The following CREB3L2 variants were observed in gnomAD, a reference collection of about 807,000 sequenced individuals.
The protein encoded by CREB3L2 is cAMP responsive element binding protein 3 like 2.
Under a neutral mutation model 57.2 loss-of-function variants are expected in CREB3L2, and 23 were observed. The observed-to-expected ratio is 0.40, with a 90% CI of 0.29 to 0.57. The LOEUF is 0.57. Ranked by LOEUF, CREB3L2 falls within the 20% of genes least tolerant of loss-of-function variation. CREB3L2 has a pLI of 0.42. For missense variants in CREB3L2, 628 were observed against 634.7 expected, an observed-to-expected ratio of 0.99 and a Z score of 0.11; for synonymous variants, 268 against 265.1, an observed-to-expected ratio of 1.01 and a Z score of -0.11.
At chr7:137,982,094 C>T (rs1478359009) in intron 1 of CREB3L2, among the ~76,000 whole-genome samples, 1 of 152,182 alleles carries the variant, frequency 6.6e-6, no homozygotes, top group East Asian at 1.9e-4. Context: ...TCCTTCTCAG[C>T]TTCTACTTTA....
intron 1 of CREB3L2, among the ~76,000 whole-genome samples, chr7:137,977,647 G>T (rs754318283): frequency 1.7e-4 from 26 of 152,198 alleles, no homozygotes; most frequent in Non-Finnish European, 3.1e-4. Flanking sequence ...AGGGCTGGGC[G>T]TGGTGGCTCA....
At chr7:137,910,795 T>C (rs1369575622) in intron 4 of CREB3L2, among the ~76,000 whole-genome samples, 1 of 152,176 alleles carries the variant, frequency 6.6e-6, no homozygotes, top group Non-Finnish European at 1.5e-5. Context: ...TTCCTATCTA[T>C]TAAGAGCTAC....
chr7:137,997,063 T>C (rs10954594), intron 1 of CREB3L2, among the ~76,000 whole-genome samples: 137,108 of 152,188 alleles, frequency 0.9, 62,240 homozygotes, highest in South Asian at 0.98. Flanking sequence ...CCTCTTTCCA[T>C]GGGGCCTTCC....
At chr7:137,984,127 A>C (rs1332980891) in intron 1 of CREB3L2, among the ~76,000 whole-genome samples, 1 of 152,228 alleles carries the variant, frequency 6.6e-6, no homozygotes, top group African/African-American at 2.4e-5. Flanking sequence ...CAGCCATCTC[A>C]CAGGTCCCGA....
At chr7:137,965,083 T>G (rs993344967) in intron 1 of CREB3L2, among the ~76,000 whole-genome samples, 5 of 152,202 alleles carry the variant, frequency 3.3e-5, no homozygotes, top group Non-Finnish European at 7.4e-5. Flanking sequence ...GACCAAACTC[T>G]AGTTCTACTA....
At chr7:137,983,837 T>G (rs1801750572) in intron 1 of CREB3L2, among the ~76,000 whole-genome samples, 1 of 152,230 alleles carries the variant, frequency 6.6e-6, no homozygotes, top group African/African-American at 2.4e-5. Context: ...TTCCAGGTTC[T>G]GCACTCAGGG....
Position 137,880,458 on chromosome 7 carries a change from G to C in CREB3L2, c.*18C>G, listed in dbSNP as rs141738028. On this transcript the variant is annotated 3_prime_UTR_variant, in exon 12 of 12. Coordinates refer to ENST00000330387, the MANE Select transcript of CREB3L2 (RefSeq NM_194071.4). The surrounding 1 kb of genome is among the most constrained non-coding windows in gnomAD (Gnocchi z 4.0). ...AAAAGTAGAGTTAAGGGAAAGGGAG[G>C]GGGTGCAGGCAGCCTCTTTAGAAAG... 2.6e-4 allele frequency: 419 copies of C among 1,603,302 alleles called. 3 individuals are homozygous for C. In the East Asian group the frequency reaches 6.2e-3, roughly 24 times the overall value.
In CREB3L2 at chr7:137,878,682, T is replaced by C. The variant is rs540619591; in HGVS notation, c.*1794A>G. ...CCAGCTTCCACTCACAGTGAGAAGA[T>C]GAACTTGGCCGCTTTCCAGGCTGGA... On this transcript the variant is annotated 3_prime_UTR_variant, in exon 12 of 12. Transcript: ENST00000330387. 2 of 234,324 alleles carry C rather than the reference T, an allele frequency of 8.5e-6. No homozygotes were observed. Among genetic ancestry groups the C allele is most frequent in the South Asian group, 1.8e-4 (1 of 5,610 alleles). 14.5% of individuals were successfully genotyped at this position (234,324 alleles called of 1,614,324 possible).
Position 137,877,758 on chromosome 7 carries a change from T to G in CREB3L2, c.*2718A>C, listed in dbSNP as rs6959012. ...CACTATTTGAAATCTTTAGAGCTAATCATAAGTTAATGACTAGTCTAAGAG... is the reference window on the plus strand; with the variant it reads ...CACTATTTGAAATCTTTAGAGCTAAGCATAAGTTAATGACTAGTCTAAGAG... On this transcript the variant is annotated 3_prime_UTR_variant, in exon 12 of 12. Coordinates refer to ENST00000330387, the MANE Select transcript of CREB3L2 (RefSeq NM_194071.4). The G allele has an allele frequency of 4.4e-6, 1 of 228,252 alleles. No individual in the cohort carries two copies. The highest frequency in any genetic ancestry group is 2.2e-5 in the African/African-American group (1 of 44,976). The allele number at this position is 228,252 out of a possible 1,614,324, so 14.1% of individuals were successfully genotyped here.
intron 3 of CREB3L2, among the ~76,000 whole-genome samples, chr7:137,914,765 C>CT (rs1800090730): frequency 6.6e-6 from 1 of 152,038 alleles, no homozygotes. Context: ...GCAGAGGCCT[C>CT]TGTCTACAAC....
At position 138,001,558 on chromosome 7, in the gene CREB3L2, C is replaced by G; in HGVS notation, c.102+46G>C. 1 of 1,460,286 alleles carries G rather than the reference C, an allele frequency of 6.8e-7. No individual in the cohort carries two copies. The highest frequency in any genetic ancestry group is 9.5e-7 in the Non-Finnish European group (1 of 1,057,188). The allele number at this position is 1,460,286 out of a possible 1,614,324, so 90.5% of individuals were successfully genotyped here. A position where few individuals can be genotyped will look rare whatever the true frequency, so the allele number is the denominator to read the frequency against. The stretch of plus-strand genomic sequence containing the variant: ...TCCAGCTGCTCCTCGCGTGACAACA[C>G]TTGCCCGCTTTGAAAGCCCTCCTGC... On this transcript the variant is annotated intron_variant, in intron 1 of 11. Coordinates refer to ENST00000330387, the MANE Select transcript of CREB3L2 (RefSeq NM_194071.4). The surrounding 1 kb of genome is among the most constrained non-coding windows in gnomAD (Gnocchi z 4.2).
At chr7:137,906,348 T>C (rs1338930345) in intron 5 of CREB3L2, among the ~76,000 whole-genome samples, 1 of 152,196 alleles carries the variant, frequency 6.6e-6, no homozygotes, top group Admixed American at 6.5e-5. Context: ...ATCTGCAGAC[T>C]CTTTCCACAG....
At chr7:137,896,823 A>G (rs1409109145) in intron 8 of CREB3L2, among the ~76,000 whole-genome samples, 1 of 152,230 alleles carries the variant, frequency 6.6e-6, no homozygotes, top group Non-Finnish European at 1.5e-5. Flanking sequence ...GAAGAGGAAC[A>G]TCGACAAACT....
chr7:137,997,914 C>T (rs1221742656), intron 1 of CREB3L2, among the ~76,000 whole-genome samples: 2 of 152,090 alleles, frequency 1.3e-5, no homozygotes, highest in African/African-American at 4.8e-5. Context: ...GAGATATTCT[C>T]CTGATTTCTA....
At chr7:137,884,008 TTTTG>T (rs995173618) in intron 10 of CREB3L2, among the ~76,000 whole-genome samples, 24 of 152,154 alleles carry the variant, frequency 1.6e-4, no homozygotes, top group African/African-American at 5.6e-4. Flanking sequence ...GGCTGATTCT[TTTTG>T]TTTGTTTGTT....
In CREB3L2 at chr7:137,878,703, C is replaced by A; in HGVS notation, c.*1773G>T. 4.3e-6 allele frequency: 1 copy of A among 234,194 alleles called. No homozygotes were observed. The highest frequency in any genetic ancestry group is 8.4e-6 in the Non-Finnish European group (1 of 118,800). 14.5% of individuals were successfully genotyped at this position (234,194 alleles called of 1,614,324 possible). On this transcript the variant is annotated 3_prime_UTR_variant, in exon 12 of 12. Transcript: ENST00000330387. ...AAGATGAACTTGGCCGCTTTCCAGGCTGGAACCGTCTCCAGCATAGCAGAG... is the reference window on the plus strand; with the variant it reads ...AAGATGAACTTGGCCGCTTTCCAGGATGGAACCGTCTCCAGCATAGCAGAG...
At chr7:137,989,646 G>C (rs182112629) in intron 1 of CREB3L2, among the ~76,000 whole-genome samples, 21 of 151,982 alleles carry the variant, frequency 1.4e-4, no homozygotes, top group African/African-American at 4.8e-4. Flanking sequence ...CTCCAGTCCA[G>C]ACCTTTCTCC....
At chr7:137,964,593 G>A (rs1801379370) in intron 1 of CREB3L2, among the ~76,000 whole-genome samples, 1 of 152,236 alleles carries the variant, frequency 6.6e-6, no homozygotes, top group Admixed American at 6.5e-5. Context: ...CTCCCACAAA[G>A]ATGGGGAGGG....
chr7:137,919,055 T>C (rs1378972275), intron 2 of CREB3L2, among the ~76,000 whole-genome samples: 1 of 152,210 alleles, frequency 6.6e-6, no homozygotes, highest in African/African-American at 2.4e-5. Flanking sequence ...CTGAGCTTTT[T>C]TGAGGGCAAA....
Sources: gnomAD v4.1 joint callset for allele counts (sites outside exome capture counted in the v4.1 genomes callset) on GRCh38, gnomAD v4.1.1 for gene constraint, Gnocchi (gnomAD v3.1) non-coding constraint, MANE v1.5 for transcripts, NCBI Gene and HGNC (gene_info 2026-07-23, HGNC 2026-07-21) for gene names.